Variants in MIA3 observed in about 807,000 individuals in gnomAD.
MIA3 encodes the protein transport and Golgi organization protein 1 homolog.
MIA3 carries 90 observed loss-of-function variants against 192.4 expected under a neutral mutation model. The ratio of observed to expected loss-of-function variants is 0.47; its 90% confidence interval spans 0.39 to 0.56. The LOEUF (loss-of-function observed/expected upper bound fraction) is 0.56. Among genes scored for constraint, MIA3 ranks in the 20% least tolerant of loss-of-function variants. The pLI is 0.00. For synonymous variants in MIA3, 740 were observed against 792.8 expected, an observed-to-expected ratio of 0.93 and a Z score of 1.12; for missense variants, 2,123 against 2,269.4, an observed-to-expected ratio of 0.94 and a Z score of 1.31.
intron 6 of MIA3, chr1:222,641,902 T>C (rs1662878793): frequency 1.1e-5 from 5 of 443,192 alleles, no homozygotes; most frequent in South Asian, 8.3e-5. Flanking sequence ...ATCAAATATC[T>C]ATCTATAGAT....
At position 222,658,760 on chromosome 1, in the gene MIA3, A is replaced by G. The variant is rs80021570; in HGVS notation, c.4646A>G (p.Glu1549Gly). 1.9e-6 allele frequency: 3 copies of G among 1,612,998 alleles called. No homozygotes were observed. In the African/African-American group the frequency reaches 4.0e-5, roughly 22 times the overall value. The change falls in exon 19 of 28, where the codon GAG (glutamate) becomes GGG (glycine). Residue 1549 changes from glutamate (E) to glycine (G), a missense_variant. Transcript: ENST00000344922. ...GAAGAGTATGAACGGCAAGAAAGAG[A>G]GCACAGGCTGTCAGCTGCAGATGAA... is the stretch of plus-strand genomic sequence containing the variant. ...SQEEYERQER[E>G]HRLSAADEKA...
intron 2 of MIA3, 70 bp from the exon 3 acceptor site, chr1:222,624,698 G>C: frequency 2.6e-6 from 2 of 759,414 alleles, no homozygotes. Context: ...GAGGTTTGCA[G>C]CTCTATCGTT....
intron 5 of MIA3, 143 bp downstream of exon 5, chr1:222,632,469 C>T (rs866273396): frequency 1.3e-5 from 9 of 693,180 alleles, no homozygotes; most frequent in African/African-American, 3.6e-5. Flanking sequence ...GAAAAGCAGG[C>T]GTCAAGACAG....
At chr1:222,644,666 T>C (rs1235173110) in intron 6 of MIA3, 1 of 1,420,532 alleles carries the variant, frequency 7.0e-7, no homozygotes, top group Non-Finnish European at 9.7e-7. Context: ...GGTGCACTGA[T>C]TGTCTGTGCA....
chr1:222,628,180 G>A lies in MIA3; in HGVS notation c.960G>A (p.Glu320=), dbSNP rs774840784. The change falls in exon 4 of 28, where the codon GAG becomes GAA. Residue 320 remains glutamate, a synonymous_variant. Transcript: ENST00000344922. The stretch of plus-strand genomic sequence containing the variant: ...ATGCAGTTGGAAAGGAAGATGAGGA[G>A]AACCAAGAAGACTTTGATGAGTTGC... ...EYYAVGKEDE[E]NQEDFDELPL... is the part of the protein sequence containing the mutation. The A allele has an allele frequency of 3.7e-6, 6 of 1,613,894 alleles. No individual in the cohort carries two copies. The African/African-American group carries it at 4.0e-5, about 11-fold the overall frequency.
At chr1:222,659,706 A>G in intron 21 of MIA3, 28 bp from the exon 22 acceptor site, 2 of 1,613,900 alleles carry the variant, frequency 1.2e-6, no homozygotes, top group Non-Finnish European at 1.7e-6. Flanking sequence ...GTCTCCCACA[A>G]CTGAATTTGG....
At chr1:222,660,431 T>C in intron 24 of MIA3, 117 bp downstream of exon 24, 1 of 958,054 alleles carries the variant, frequency 1.0e-6, no homozygotes, top group Non-Finnish European at 1.4e-6. Context: ...AAAGAAAATT[T>C]CTTAATTTGT....
intron 4 of MIA3, among the ~76,000 whole-genome samples, chr1:222,631,564 T>A (rs1392776168): frequency 6.6e-6 from 1 of 152,140 alleles, no homozygotes; most frequent in East Asian, 1.9e-4. Flanking sequence ...AACATATATT[T>A]TGGATAAGAA....
In MIA3 at chr1:222,650,787, T is replaced by C; in HGVS notation, c.3799-6T>C. 1 of 1,593,982 alleles carries C rather than the reference T, an allele frequency of 6.3e-7. No homozygotes were observed. The highest frequency in any genetic ancestry group is 1.4e-5 in the African/African-American group (1 of 73,946). On this transcript the variant is annotated splice_region_variant and splice_polypyrimidine_tract_variant and intron_variant, in intron 10 of 27. Coordinates refer to ENST00000344922, the MANE Select transcript of MIA3 (RefSeq NM_198551.4). ...AGTATAACTAACCTTAATATCTTTT[T>C]TGTAGGATAAAATCAAGACACTTGA...
At chr1:222,637,684 ATTTTTTTTT>A (rs112135138) in intron 6 of MIA3, among the ~76,000 whole-genome samples, 49 of 76,396 alleles carry the variant, frequency 6.4e-4, no homozygotes, top group Non-Finnish European at 8.4e-4. Context: ...ATCAAGAATA[ATTTTTTTTT>A]TTTTTTTTTT....
intron 6 of MIA3, among the ~76,000 whole-genome samples, chr1:222,636,800 C>A (rs1038878664): frequency 6.6e-6 from 1 of 152,306 alleles, no homozygotes; most frequent in Non-Finnish European, 1.5e-5. Flanking sequence ...GTGTGAGCCA[C>A]TGTGCCCAGC....
intron 4 of MIA3, among the ~76,000 whole-genome samples, chr1:222,631,387 T>A (rs1248285134): frequency 1.3e-5 from 2 of 152,160 alleles, no homozygotes; most frequent in Non-Finnish European, 2.9e-5. Flanking sequence ...CCCAAAGTAC[T>A]GGGATTACAG....
chr1:222,655,326 T>C (rs981878072), intron 18 of MIA3, among the ~76,000 whole-genome samples: 2 of 152,266 alleles, frequency 1.3e-5, no homozygotes, highest in Admixed American at 6.5e-5. Flanking sequence ...TATATTTAGA[T>C]AATAATCCTC....
rs1270996157 is a variant in MIA3, at chr1:222,666,491, T to C, written c.*872T>C. ...ACAGAAAAATGAAAATGATGTGTCA[T>C]GGCCATAAAAGTATAGAAATCTTTA... On this transcript the variant is annotated 3_prime_UTR_variant, in exon 28 of 28. Transcript: ENST00000344922. 3 of 152,118 alleles carry C rather than the reference T, an allele frequency of 2.0e-5. No homozygotes were observed. Among genetic ancestry groups the C allele is most frequent in the Non-Finnish European group, 2.9e-5 (2 of 68,024 alleles). The allele number at this position is 152,118 out of a possible 1,614,324, so 9.4% of individuals were successfully genotyped here.
chr1:222,644,444 G>C, intron 6 of MIA3: 1 of 1,550,364 alleles, frequency 6.5e-7, no homozygotes, highest in Non-Finnish European at 8.7e-7. Context: ...ATTCCGCAGG[G>C]AATTGTCGCT....
chr1:222,653,207 G>A (rs1474046946), intron 14 of MIA3, 21 bp from the exon 15 acceptor site: 5 of 1,600,784 alleles, frequency 3.1e-6, no homozygotes, highest in Non-Finnish European at 4.3e-6. Context: ...GACTCTTAAT[G>A]CCCTTTTACT....
Position 222,666,619 on chromosome 1 carries a change from A to T in MIA3, c.*1000A>T, listed in dbSNP as rs1216616341. The stretch of plus-strand genomic sequence containing the variant: ...TTGGAAGAGTATAATGCCATGAGAA[A>T]GAATGATTTAGGACTGTGAGGGTTA... On this transcript the variant is annotated 3_prime_UTR_variant, in exon 28 of 28. Coordinates refer to ENST00000344922, the MANE Select transcript of MIA3 (RefSeq NM_198551.4). 3 of 146,982 alleles carry T rather than the reference A, an allele frequency of 2.0e-5. No homozygotes were observed. The highest frequency in any genetic ancestry group is 3.0e-5 in the Non-Finnish European group (2 of 67,590). 9.1% of individuals were successfully genotyped at this position (146,982 alleles called of 1,614,324 possible).
In MIA3 at chr1:222,661,997, C is replaced by T; in HGVS notation, c.5114-59C>T. ...GATAAGACTTGAACCCTGATCTGTC[C>T]ACAATTTATTATTTCTTCCAAAAAA... is the stretch of plus-strand genomic sequence containing the variant. On this transcript the variant is annotated intron_variant, in intron 24 of 27. Coordinates refer to ENST00000344922, the MANE Select transcript of MIA3 (RefSeq NM_198551.4). 4 of 1,415,958 alleles carry T rather than the reference C, an allele frequency of 2.8e-6. No homozygotes were observed. The East Asian group carries it at 6.8e-5, about 24-fold the overall frequency. 87.7% of individuals were successfully genotyped at this position (1,415,958 alleles called of 1,614,324 possible). A position where few individuals can be genotyped will look rare whatever the true frequency, so the allele number is the denominator to read the frequency against.
At position 222,665,582 on chromosome 1, in the gene MIA3, G is replaced by A. The variant is rs1205195111; in HGVS notation, c.5687G>A (p.Ser1896Asn). Residue 1896 changes from serine to asparagine, a missense_variant, in exon 28 of 28, where the codon AGC becomes AAC. By Grantham distance (46) the Ser-to-Asn change is conservative (BLOSUM62 1). Coordinates refer to ENST00000344922, the MANE Select transcript of MIA3 (RefSeq NM_198551.4). Reference protein sequence around the residue: ...DEPPPASQSTSQDCSQALKQS... With the variant: ...DEPPPASQSTNQDCSQALKQS... ...CCTCCACCTGCCTCTCAGAGCACTA[G>A]CCAGGACTGTTCACAGGCTTTAAAA... is the stretch of plus-strand genomic sequence containing the variant. 6.8e-6 allele frequency: 11 copies of A among 1,610,682 alleles called. No homozygotes were observed. The highest frequency in any genetic ancestry group is 9.3e-6 in the Non-Finnish European group (11 of 1,178,904).
Sources: allele counts gnomAD v4.1 joint callset (sites outside exome capture counted in the v4.1 genomes callset), GRCh38; gene constraint gnomAD v4.1.1; transcripts MANE v1.5; gene names NCBI Gene and HGNC (gene_info 2026-07-23, HGNC 2026-07-21).